Variants in SMCHD1 observed in about 807,000 individuals in gnomAD.
The protein encoded by SMCHD1 is structural maintenance of chromosomes flexible hinge domain containing 1.
In SMCHD1, 78 loss-of-function variants were observed where a neutral mutation model predicts 254.7. The ratio of observed to expected loss-of-function variants is 0.31; its 90% CI spans 0.26 to 0.37. SMCHD1 has a LOEUF of 0.37. Ranked by LOEUF, SMCHD1 falls within the 10% of genes least tolerant of loss-of-function variation. The pLI is 1.00. For missense variants in SMCHD1, 1,840 were observed against 2,408.1 expected, an observed-to-expected ratio of 0.76 and a Z score of 4.94; for synonymous variants, 766 against 794.9, an observed-to-expected ratio of 0.96 and a Z score of 0.61.
intron 37 of SMCHD1, among the ~76,000 whole-genome samples, chr18:2,767,418 AAT>A (rs1009268835): frequency 1.5e-4 from 23 of 152,094 alleles, no homozygotes; most frequent in Non-Finnish European, 2.8e-4. Context: ...ATTAAGGAGA[AAT>A]ATTGATTTTG....
intron 10 of SMCHD1, among the ~76,000 whole-genome samples, chr18:2,698,896 C>A (rs2074340629): frequency 6.6e-6 from 1 of 151,514 alleles, no homozygotes; most frequent in African/African-American, 2.4e-5. Context: ...GTAGCTTTAT[C>A]TTGTAATTTG....
At chr18:2,751,484 T>A in intron 33 of SMCHD1, 91 bp downstream of exon 33, 1 of 671,638 alleles carries the variant, frequency 1.5e-6, no homozygotes, top group Non-Finnish European at 2.5e-6. Flanking sequence ...TATAATGTTA[T>A]ATAAATTTGA....
At chr18:2,684,803 G>A (rs1433582621) in intron 5 of SMCHD1, among the ~76,000 whole-genome samples, 1 of 149,826 alleles carries the variant, frequency 6.7e-6, no homozygotes, top group East Asian at 2.0e-4. Context: ...AGGATTCATA[G>A]TATAAATCTT....
chr18:2,760,794 C>G (rs1191306072), intron 35 of SMCHD1, 55 bp downstream of exon 35: 2 of 992,908 alleles, frequency 2.0e-6, no homozygotes, highest in South Asian at 1.5e-5. Context: ...TTTTTTTTTC[C>G]CTCTTGGTTC....
intron 28 of SMCHD1, among the ~76,000 whole-genome samples, chr18:2,743,213 A>G (rs2075384396): frequency 6.6e-6 from 1 of 152,228 alleles, no homozygotes; most frequent in African/African-American, 2.4e-5. Flanking sequence ...TCTAAGTAAT[A>G]GAGATTGAGT....
At chr18:2,726,009 C>T (rs1283835794) in intron 21 of SMCHD1, among the ~76,000 whole-genome samples, 2 of 151,692 alleles carry the variant, frequency 1.3e-5, no homozygotes, top group African/African-American at 4.8e-5. Flanking sequence ...TACTTGTCTC[C>T]AGTTAATTTA....
intron 1 of SMCHD1, among the ~76,000 whole-genome samples, chr18:2,659,593 T>C (rs895996911): frequency 6.6e-6 from 1 of 152,206 alleles, no homozygotes; most frequent in African/African-American, 2.4e-5. Context: ...TTCTAAAATA[T>C]GCCCAGATGT....
chr18:2,669,254 G>A (rs1396907621), intron 3 of SMCHD1, among the ~76,000 whole-genome samples: 1 of 152,040 alleles, frequency 6.6e-6, no homozygotes, highest in Non-Finnish European at 1.5e-5. Flanking sequence ...AGAGGCAGGG[G>A]GATTGCTTGA....
chr18:2,725,154 T>C (rs1032789186), intron 21 of SMCHD1, among the ~76,000 whole-genome samples, 159 bp downstream of exon 21: 2 of 152,230 alleles, frequency 1.3e-5, no homozygotes, highest in East Asian at 1.9e-4. Context: ...ACCTGACTTA[T>C]CAGTTACATC....
rs750637739 is a variant in SMCHD1, at chr18:2,750,413, T to G, written c.4071T>G (p.Ile1357Met). ...YNKSIIEGPI[I>M]KLMILPDPEK... ...AAAGTATCATAGAAGGACCTATAAT[T>G]AAGTTAATGATTCTTCCAGACCCAG... Residue 1357 changes from isoleucine to methionine, a missense_variant, in exon 32 of 48, where the codon ATT becomes ATG. Transcript: ENST00000320876. 3.1e-6 allele frequency: 5 copies of G among 1,612,468 alleles called. No homozygotes were observed. The East Asian group carries it at 8.9e-5, about 29-fold the overall frequency.
In SMCHD1 at chr18:2,691,497, C is replaced by G. The variant is rs115366638; in HGVS notation, c.873+2750C>G. 4.4e-3 allele frequency among the ~76,000 whole-genome samples: 664 copies of G among 152,312 alleles called. 5 individuals are homozygous for G. The highest frequency in any genetic ancestry group is 0.016 in the African/African-American group (648 of 41,560). On this transcript the variant is annotated intron_variant, in intron 7 of 47. Coordinates refer to ENST00000320876, the MANE Select transcript of SMCHD1 (RefSeq NM_015295.3). ...TGGTTCTTGTTCTATAGTCAACAGT[C>G]TTACCTTTTCTAAAGATGTGTTATT... is the stretch of plus-strand genomic sequence containing the variant.
At chr18:2,789,146 C>A (rs140006127) in intron 45 of SMCHD1, among the ~76,000 whole-genome samples, 138 of 152,038 alleles carry the variant, frequency 9.1e-4, no homozygotes, top group African/African-American at 3.2e-3. Flanking sequence ...CTTAGCCTTT[C>A]GAATAGCTGG....
intron 44 of SMCHD1, chr18:2,779,064 T>C (rs937213507): frequency 1.5e-4 from 23 of 152,214 alleles, no homozygotes; most frequent in African/African-American, 5.1e-4. Flanking sequence ...TTGTAAAAAG[T>C]AAATAAATAA....
chr18:2,740,590 TACTC>T (rs1354505880), intron 27 of SMCHD1, 109 bp from the exon 28 acceptor site: 9 of 443,816 alleles, frequency 2.0e-5, no homozygotes, highest in Admixed American at 4.3e-5. Flanking sequence ...TACCAAAAAT[TACTC>T]AGTAAGAGAA....
At chr18:2,700,043 C>T (rs866487667) in intron 10 of SMCHD1, among the ~76,000 whole-genome samples, 13 of 152,170 alleles carry the variant, frequency 8.5e-5, no homozygotes, top group African/African-American at 3.1e-4. Context: ...TTCATGCTTA[C>T]TTGAATCTGA....
chr18:2,745,577 C>T lies in SMCHD1; in HGVS notation c.3801+1649C>T, dbSNP rs544116315. 3.3e-5 allele frequency among the ~76,000 whole-genome samples: 5 copies of T among 152,114 alleles called. No homozygotes were observed. The South Asian group carries it at 1.0e-3, about 32-fold the overall frequency. ...GCATTTTTTTTTCTGGGAGCACTTA[C>T]AAAACATAAATTAACCCACTTTTTA... On this transcript the variant is annotated intron_variant, in intron 29 of 47. Transcript: ENST00000320876.
Position 2,777,883 on chromosome 18 carries a change from C to T in SMCHD1, c.5444C>T (p.Thr1815Ile). The T allele has an allele frequency of 1.3e-6, 2 of 1,549,168 alleles. No homozygotes were observed. The highest frequency in any genetic ancestry group is 2.4e-5 in the East Asian group (1 of 41,454). Residue 1815 changes from threonine to isoleucine, a missense_variant, in exon 43 of 48, where the codon ACA becomes ATA. Thr to Ile is a moderately conservative substitution (Grantham distance 89, BLOSUM62 -1). This residue lies in a region of SMCHD1 where 114 missense variants were observed against 217.6 expected (regional missense o/e 0.52). Transcript: ENST00000320876. ...CCAGTCTTTGCTCGAGACTTGTTAACATTTCCAGATAATGTAGAACATTGT... is the reference window on the plus strand; with the variant it reads ...CCAGTCTTTGCTCGAGACTTGTTAATATTTCCAGATAATGTAGAACATTGT... ...GDPVFARDLL[T>I]FPDNVEHCET...
intron 1 of SMCHD1, among the ~76,000 whole-genome samples, chr18:2,658,191 G>C (rs759116918): frequency 2.6e-5 from 4 of 152,124 alleles, no homozygotes; most frequent in Non-Finnish European, 5.9e-5. Flanking sequence ...TAAAGCTCTT[G>C]TTTCGTATTT....
At chr18:2,744,826 G>GTTTGT (rs202064298) in intron 29 of SMCHD1, among the ~76,000 whole-genome samples, 44 of 152,030 alleles carry the variant, frequency 2.9e-4, no homozygotes, top group Non-Finnish European at 4.3e-4. Flanking sequence ...TGGTTTTTTT[G>GTTTGT]TTTGTTTTGT....
Sources: gnomAD v4.1 joint callset for allele counts (sites outside exome capture counted in the v4.1 genomes callset) on GRCh38, gnomAD v4.1.1 for gene constraint, gnomAD v4.1.1 regional missense constraint, MANE v1.5 for transcripts, NCBI Gene and HGNC (gene_info 2026-07-23, HGNC 2026-07-21) for gene names.